Variants in RAD51B observed in about 807,000 individuals in gnomAD.
RAD51B encodes the protein RAD51 paralog B, also known as DNA repair protein RAD51 homolog 2.
A neutral mutation model predicts 42.2 loss-of-function variants in RAD51B; 38 were observed. The observed-to-expected ratio is 0.90, with a 90% CI of 0.70 to 1.18. The LOEUF (loss-of-function observed/expected upper bound fraction) is 1.18, where lower values mean the gene tolerates loss of function less well. RAD51B is among the 50% of genes most tolerant of loss of function. RAD51B has a pLI of 0.00. For synonymous variants in RAD51B, 154 were observed against 145.2 expected, an observed-to-expected ratio of 1.06 and a Z score of -0.43; for missense variants, 373 against 400.7, an observed-to-expected ratio of 0.93 and a Z score of 0.59.
intron 3 of RAD51B, among the ~76,000 whole-genome samples, chr14:67,828,682 G>T (rs2040918713): frequency 1.3e-5 from 2 of 152,156 alleles, no homozygotes; most frequent in Non-Finnish European, 2.9e-5. Flanking sequence ...GTAAGGAAGG[G>T]GTCCAGTTTC....
chr14:68,080,737 T>A (rs892013980), intron 7 of RAD51B, among the ~76,000 whole-genome samples: 2 of 152,192 alleles, frequency 1.3e-5, no homozygotes, highest in Non-Finnish European at 2.9e-5. Flanking sequence ...GAAAAACAGA[T>A]GTTTTACCGT....
intron 10 of RAD51B, chr14:68,541,444 T>A: frequency 1.0e-6 from 1 of 985,420 alleles, no homozygotes; most frequent in Non-Finnish European, 1.2e-6. Context: ...CAATTAATCA[T>A]GCCTGTCAGG....
intron 10 of RAD51B, among the ~76,000 whole-genome samples, chr14:68,488,221 T>C (rs1157488421): frequency 1.5e-5 from 2 of 132,352 alleles, no homozygotes; most frequent in African/African-American, 5.7e-5. Context: ...TTTTTTTTTT[T>C]CAATAATACA....
At chr14:68,624,805 C>G (rs1595034270) in intron 10 of RAD51B, among the ~76,000 whole-genome samples, 1 of 152,150 alleles carries the variant, frequency 6.6e-6, no homozygotes, top group Admixed American at 6.5e-5. Context: ...CTCATCATCC[C>G]TTTTGTTTTT....
chr14:68,445,354 C>T (rs1225638903), intron 9 of RAD51B, among the ~76,000 whole-genome samples: 1 of 151,550 alleles, frequency 6.6e-6, no homozygotes, highest in Non-Finnish European at 1.5e-5. Context: ...TACTGATTTC[C>T]AATTCAATAG....
chr14:68,004,820 T>G (rs2075553106), intron 7 of RAD51B, among the ~76,000 whole-genome samples: 1 of 151,892 alleles, frequency 6.6e-6, no homozygotes, highest in Admixed American at 6.6e-5. Flanking sequence ...TTTAGGGGGG[T>G]TTGGTTCGTT....
chr14:68,363,073 C>T (rs1428846419), intron 8 of RAD51B, among the ~76,000 whole-genome samples: 1 of 152,194 alleles, frequency 6.6e-6, no homozygotes, highest in Non-Finnish European at 1.5e-5. Context: ...CAGCTACTTT[C>T]AAATCGCAGT....
chr14:68,275,985 G>C (rs556628760), intron 7 of RAD51B, among the ~76,000 whole-genome samples: 9 of 152,164 alleles, frequency 5.9e-5, no homozygotes, highest in Non-Finnish European at 1.3e-4. Flanking sequence ...ATGCAGACAT[G>C]AGATGCAGGT....
chr14:68,574,335 G>T (rs1019133213), intron 10 of RAD51B, among the ~76,000 whole-genome samples: 15 of 152,046 alleles, frequency 9.9e-5, no homozygotes, highest in African/African-American at 3.4e-4. Context: ...CGATCCACCC[G>T]CCTTGGCCTC....
chr14:68,006,428 TA>T (rs1363881980), intron 7 of RAD51B, among the ~76,000 whole-genome samples: 1 of 152,148 alleles, frequency 6.6e-6, no homozygotes, highest in Non-Finnish European at 1.5e-5. Flanking sequence ...AACCTACTGA[TA>T]AAAAGTTGTT....
intron 7 of RAD51B, among the ~76,000 whole-genome samples, chr14:67,996,531 C>G: frequency 6.6e-6 from 1 of 151,944 alleles, no homozygotes; most frequent in East Asian, 1.9e-4. Flanking sequence ...AAAGGCTTGC[C>G]AGATAGAGAG....
chr14:67,895,818 C>A (rs1258110349), intron 7 of RAD51B, among the ~76,000 whole-genome samples: 1 of 152,068 alleles, frequency 6.6e-6, no homozygotes, highest in Non-Finnish European at 1.5e-5. Context: ...ACCCCGAGAC[C>A]TCTCTATGGC....
At chr14:68,576,785 G>T (rs1396872311) in intron 10 of RAD51B, among the ~76,000 whole-genome samples, 1 of 152,210 alleles carries the variant, frequency 6.6e-6, no homozygotes, top group Non-Finnish European at 1.5e-5. Flanking sequence ...GGTCAGAGGT[G>T]AACCTAGCTT....
chr14:68,468,521 C>T (rs769587614), intron 10 of RAD51B: 7 of 457,816 alleles, frequency 1.5e-5, no homozygotes, highest in Non-Finnish European at 2.1e-5. Flanking sequence ...ACCAAGAAAG[C>T]TCGGAATTGC....
intron 1 of RAD51B, among the ~76,000 whole-genome samples, chr14:67,823,153 T>G (rs2040692137): frequency 6.6e-6 from 1 of 152,226 alleles, no homozygotes; most frequent in Admixed American, 6.5e-5. Flanking sequence ...GACTTTCTAG[T>G]AGTTCTGTTT....
intron 7 of RAD51B, among the ~76,000 whole-genome samples, chr14:68,195,176 C>T (rs2079343898): frequency 6.6e-6 from 1 of 152,090 alleles, no homozygotes. Flanking sequence ...TTGAAGAAAA[C>T]TACAATTTTA....
chr14:68,646,000 C>T (rs1224170092), intron 10 of RAD51B, among the ~76,000 whole-genome samples: 5 of 151,690 alleles, frequency 3.3e-5, no homozygotes, highest in African/African-American at 1.2e-4. Context: ...AAAATATTCC[C>T]CGGGACAAAT....
rs532275474 is a variant in RAD51B, at chr14:68,452,484, A to G, written c.958-15688A>G. Among the ~76,000 whole-genome samples, 54 of 152,364 alleles carry G rather than the reference A, an allele frequency of 3.5e-4. No homozygotes were observed. The East Asian group carries it at 9.8e-3, about 28-fold the overall frequency. ...TTCCTTCAGCATACCCAATGGTAAT[A>G]TTAAACAAATGGTAACATTAACAAT... On this transcript the variant is annotated intron_variant, in intron 9 of 10. Coordinates refer to ENST00000471583, the MANE Select transcript of RAD51B (RefSeq NM_133510.4).
intron 7 of RAD51B, among the ~76,000 whole-genome samples, chr14:68,261,649 A>G (rs928532309): frequency 1.3e-5 from 2 of 152,212 alleles, no homozygotes; most frequent in South Asian, 4.1e-4. Context: ...GGGATTTTCC[A>G]GGGTAATTTT....
Sources: allele counts gnomAD v4.1 joint callset (sites outside exome capture counted in the v4.1 genomes callset), GRCh38; gene constraint gnomAD v4.1.1; transcripts MANE v1.5; gene names NCBI Gene and HGNC (gene_info 2026-07-23, HGNC 2026-07-21).